URB1: variants seen among roughly 807,000 people sequenced by gnomAD.
The protein encoded by URB1 is URB1 ribosome biogenesis factor.
In URB1, 197 loss-of-function variants were observed where a neutral mutation model predicts 242.3. The observed-to-expected ratio is 0.81, with a 90% CI of 0.72 to 0.91. The LOEUF is 0.91. Among genes scored for constraint, URB1 ranks in the 40% least tolerant of loss-of-function variants. The pLI, the probability that URB1 is intolerant of heterozygous loss-of-function variation, is 0.00. For missense variants in URB1, 2,721 were observed against 2,860.5 expected, an observed-to-expected ratio of 0.95 and a Z score of 1.11; for synonymous variants, 1,153 against 1,201.8, an observed-to-expected ratio of 0.96 and a Z score of 0.84.
chr21:32,339,286 G>A (rs1481539990), intron 25 of URB1, among the ~76,000 whole-genome samples: 1 of 152,064 alleles, frequency 6.6e-6, no homozygotes, highest in Non-Finnish European at 1.5e-5. Context: ...GAGCCACTGC[G>A]CCCGGCCATT....
intron 4 of URB1, 42 bp from the exon 5 acceptor site, chr21:32,378,583 C>T (rs2033486511): frequency 6.7e-7 from 1 of 1,493,604 alleles, no homozygotes; most frequent in South Asian, 1.2e-5. Flanking sequence ...GCATATTCCA[C>T]ATACAGCCAA....
chr21:32,372,725 G>T, intron 7 of URB1, 94 bp from the exon 8 acceptor site: 1 of 1,345,924 alleles, frequency 7.4e-7, no homozygotes, highest in South Asian at 1.5e-5. Context: ...AACTGCCGAT[G>T]ACAATTTAGA....
intron 8 of URB1, 91 bp from the exon 9 acceptor site, chr21:32,368,689 C>T: frequency 9.1e-7 from 1 of 1,099,636 alleles, no homozygotes; most frequent in Non-Finnish European, 1.3e-6. Flanking sequence ...GCAGAATTGC[C>T]CTCAGTGAAC....
At chr21:32,319,504 C>T (rs1007101537) in intron 35 of URB1, 90 bp from the exon 36 acceptor site, 4 of 1,276,456 alleles carry the variant, frequency 3.1e-6, no homozygotes, top group Non-Finnish European at 2.1e-6. Context: ...ATCTGCTCAT[C>T]CCCCTAGATA....
At position 32,325,328 on chromosome 21, in the gene URB1, G is replaced by A; in HGVS notation, c.5022C>T (p.Ala1674=). The A allele has an allele frequency of 6.4e-7, 1 of 1,551,698 alleles. No homozygotes were observed. The highest frequency in any genetic ancestry group is 1.2e-5 in the South Asian group (1 of 84,058). Residue 1674 remains alanine (A), a synonymous_variant, in exon 31 of 39, where the codon GCC becomes GCT. Coordinates refer to ENST00000382751, the MANE Select transcript of URB1 (RefSeq NM_014825.3). The stretch of plus-strand genomic sequence containing the variant: ...GCATCTGGGGGTCATAGCTGCTGAG[G>A]GCTGTGACAGTTAGGCCCAGAGCAT... ...DSNALGLTVT[A]LSSYDPQMRA... is the part of the protein sequence containing the mutation.
chr21:32,392,724 C>T (rs2033653522), intron 1 of URB1, 45 bp downstream of exon 1: 1 of 1,375,274 alleles, frequency 7.3e-7, no homozygotes, highest in Non-Finnish European at 9.4e-7. Flanking sequence ...GAGGCCGCCT[C>T]GCCAGCCTGT....
rs746205374 is a variant in URB1, at chr21:32,350,829, G to A, written c.2707C>T (p.Leu903Phe). ...LLQAAYESQA[L>F]RDEHIQVQLQ... ...TGCACCTGGATGTGCTCGTCCCGAA[G>A]CGCTTGGCTCTCGTAGGCTGCCTGC... The change falls in exon 20 of 39, where the codon CTT becomes TTT. Residue 903 changes from leucine (L) to phenylalanine (F), a missense_variant. Transcript: ENST00000382751. 2 of 1,551,282 alleles carry A rather than the reference G, an allele frequency of 1.3e-6. No individual in the cohort carries two copies. Among genetic ancestry groups the A allele is most frequent in the African/African-American group, 2.7e-5 (2 of 73,060 alleles).
rs1332769555 is a variant in URB1, at chr21:32,314,465, G to A, written c.*453C>T. On this transcript the variant is annotated 3_prime_UTR_variant, in exon 39 of 39. Transcript: ENST00000382751. ...CTCCCAAAGTGCTGGGATTATAGGC[G>A]TGAGCCACCTCACCTGCTGAAAAAT... 6.3e-6 allele frequency: 8 copies of A among 1,278,660 alleles called. No individual in the cohort carries two copies. Among genetic ancestry groups the A allele is most frequent in the East Asian group, 2.3e-5 (1 of 42,700 alleles). The allele number at this position is 1,278,660 out of a possible 1,614,324, so 79.2% of individuals were successfully genotyped here.
rs138116767 is a variant in URB1, at chr21:32,336,375, A to AAC, written c.4685+717_4685+718dup. On this transcript the variant is annotated intron_variant, in intron 28 of 38. Coordinates refer to ENST00000382751, the MANE Select transcript of URB1 (RefSeq NM_014825.3). ...GCCCAGTCAGCCCGCCTCCTGGCTG[A>AAC]ACACACACACACACGTACATACTGA... Among the ~76,000 whole-genome samples the AAC allele has an allele frequency of 5.1e-4, 78 of 151,734 alleles. No homozygotes were observed. The East Asian group carries it at 0.013, about 24-fold the overall frequency.
chr21:32,314,933 T>C lies in URB1; in HGVS notation c.6801A>G (p.Ala2267=). 1 of 1,551,124 alleles carries C rather than the reference T, an allele frequency of 6.4e-7. No homozygotes were observed. Among genetic ancestry groups the C allele is most frequent in the Non-Finnish European group, 8.7e-7 (1 of 1,146,794 alleles). ...CCGGCAGGAGTCAAGCATCTGAGGC[T>C]GCGCTGGCGGCGTCCTTGCAGAGCA... is the stretch of plus-strand genomic sequence containing the variant. ...IVVLCKDAAS[A]ASDA is the part of the protein sequence containing the mutation. Residue 2267 remains alanine, a synonymous_variant, in exon 39 of 39, where the codon GCA becomes GCG. Coordinates refer to ENST00000382751, the MANE Select transcript of URB1 (RefSeq NM_014825.3).
At chr21:32,362,953 GCT>G (rs940424690) in intron 11 of URB1, among the ~76,000 whole-genome samples, 6 of 152,192 alleles carry the variant, frequency 3.9e-5, no homozygotes, top group Non-Finnish European at 8.8e-5. Flanking sequence ...TTGGGATCAT[GCT>G]CTGTGACATC....
In URB1 at chr21:32,325,265, C is replaced by T. The variant is rs903005025; in HGVS notation, c.5085G>A (p.Ser1695=). 1.3e-5 allele frequency: 20 copies of T among 1,551,532 alleles called. No individual in the cohort carries two copies. Among genetic ancestry groups the T allele is most frequent in the Middle Eastern group, 1.7e-4 (1 of 6,010 alleles). The stretch of plus-strand genomic sequence containing the variant: ...CTTGGAACCGTGCGCCCTCCAAGTG[C>T]GAGTAGTAGGCCGCCAGGACATGGT... ...IAYHVLAAYY[S]HLEGARFQEQ... is the part of the protein sequence containing the mutation. Residue 1695 remains serine, a synonymous_variant, in exon 31 of 39, where the codon TCG becomes TCA. Coordinates refer to ENST00000382751, the MANE Select transcript of URB1 (RefSeq NM_014825.3).
At chr21:32,351,050 G>A (rs376581726) in intron 19 of URB1, 128 bp from the exon 20 acceptor site, 17 of 968,304 alleles carry the variant, frequency 1.8e-5, no homozygotes, top group Middle Eastern at 3.3e-4. Context: ...TAAGACTAAC[G>A]AATACGGGAC....
At position 32,355,480 on chromosome 21, in the gene URB1, T is replaced by A; in HGVS notation, c.2075A>T (p.Asp692Val). ...LEHLENTMEE[D>V]KETVIQFLER... ...CAGAAACTGAATCACAGTCTCTTTG[T>A]CCTCTTCCATGGTGTTCTCTAAATG... The change falls in exon 16 of 39, where the codon GAC (aspartate) becomes GTC (valine). Residue 692 changes from aspartate (D) to valine (V), a missense_variant. By Grantham distance (152) the Asp-to-Val change is radical. Transcript: ENST00000382751. 3 of 1,551,898 alleles carry A rather than the reference T, an allele frequency of 1.9e-6. No individual in the cohort carries two copies. Among genetic ancestry groups the A allele is most frequent in the Non-Finnish European group, 2.6e-6 (3 of 1,147,022 alleles).
At chr21:32,334,527 T>G (rs1601128395) in intron 28 of URB1, among the ~76,000 whole-genome samples, 193 bp from the exon 29 acceptor site, 1 of 152,174 alleles carries the variant, frequency 6.6e-6, no homozygotes, top group Non-Finnish European at 1.5e-5. Context: ...AGGCTGAGGG[T>G]GGGTGACAGT....
Position 32,347,507 on chromosome 21 carries a change from T to G in URB1, c.3317A>C (p.Glu1106Ala). 1.3e-6 allele frequency: 2 copies of G among 1,551,314 alleles called. No individual in the cohort carries two copies. Among genetic ancestry groups the G allele is most frequent in the South Asian group, 2.4e-5 (2 of 84,012 alleles). The part of the protein sequence containing the change: ...TSPPKTPPQL[E>A]ALQELHPYME... ...GTATGGATGCAGCTCCTGCAGGGCC[T>G]CCAGCTGCGGCGGGGTCTTTGGTGG... is the stretch of plus-strand genomic sequence containing the variant. The change falls in exon 22 of 39, where the codon GAG becomes GCG. Residue 1106 changes from glutamate (E) to alanine (A), a missense_variant. Transcript: ENST00000382751.
rs58130645 is a variant in URB1 at position 32,338,768 on chromosome 21, C to T, written c.4449G>A (p.Ser1483=). 2.6e-3 allele frequency: 4,075 copies of T among 1,551,584 alleles called. 79 individuals are homozygous for T. In the African/African-American group the frequency reaches 0.046, roughly 17 times the overall value. The change falls in exon 26 of 39, where the codon TCG becomes TCA. Residue 1483 remains serine, a synonymous_variant. Coordinates refer to ENST00000382751, the MANE Select transcript of URB1 (RefSeq NM_014825.3). ...ACGTCAGTAGAGTCGGCAGAAACAGCGAGTGCTGCATGAGCATCACGTAGA... is the reference window on the plus strand; with the variant it reads ...ACGTCAGTAGAGTCGGCAGAAACAGTGAGTGCTGCATGAGCATCACGTAGA... ...PVVYVMLMQH[S]LFLPTLLTSD...
intron 28 of URB1, 104 bp from the exon 29 acceptor site, chr21:32,334,438 C>CTGG: frequency 7.5e-7 from 1 of 1,327,752 alleles, no homozygotes; most frequent in Non-Finnish European, 1.0e-6. Flanking sequence ...CCAGTTCACA[C>CTGG]CAGGTGCTGT....
At chr21:32,324,072 G>A (rs2032798465) in intron 32 of URB1, among the ~76,000 whole-genome samples, 1 of 152,206 alleles carries the variant, frequency 6.6e-6, no homozygotes, top group Admixed American at 6.5e-5. Context: ...GGGAAGTCCA[G>A]GACCGTCTGG....
Sources: allele counts gnomAD v4.1 joint callset (sites outside exome capture counted in the v4.1 genomes callset), GRCh38; gene constraint gnomAD v4.1.1; transcripts MANE v1.5; gene names NCBI Gene and HGNC (gene_info 2026-07-23, HGNC 2026-07-21).